Variants in AGPAT3 observed in about 807,000 individuals in gnomAD.
The protein encoded by AGPAT3 is 1-acyl-sn-glycerol-3-phosphate acyltransferase gamma.
A neutral mutation model predicts 47.3 loss-of-function variants in AGPAT3; 5 were observed. The ratio of observed to expected loss-of-function variants is 0.11; its 90% CI spans 0.06 to 0.22. The LOEUF (loss-of-function observed/expected upper bound fraction) is 0.22. Ranked by LOEUF, AGPAT3 falls within the 10% of genes least tolerant of loss-of-function variation. The pLI is 1.00. For synonymous variants in AGPAT3, 212 were observed against 208.3 expected (o/e 1.02, Z -0.15); for missense variants, 315 against 493.0 (o/e 0.64, Z 3.42).
chr21:43,984,221 C>A lies in AGPAT3; in HGVS notation c.*1829C>A, dbSNP rs2030017707. 1 of 152,302 alleles carries A rather than the reference C, an allele frequency of 6.6e-6. No individual in the cohort carries two copies. The highest frequency in any genetic ancestry group is 2.4e-5 in the African/African-American group (1 of 41,448). 9.4% of individuals were successfully genotyped at this position (152,302 alleles called of 1,614,324 possible). ...TCTGAAATCTCATCCCTCCACCCGC[C>A]CACTCGGGCAGCTGTGCCGTGGGCA... On this transcript the variant is annotated 3_prime_UTR_variant, in exon 10 of 10. Transcript: ENST00000291572.
intron 3 of AGPAT3, chr21:43,965,585 AT>A (rs949504292): frequency 1.3e-5 from 2 of 151,626 alleles, no homozygotes; most frequent in Non-Finnish European, 2.9e-5. Flanking sequence ...AATTGTTACT[AT>A]TATTGGGTGA....
chr21:43,873,281 C>T (rs1280058109), intron 1 of AGPAT3, among the ~76,000 whole-genome samples: 1 of 152,202 alleles, frequency 6.6e-6, no homozygotes, highest in African/African-American at 2.4e-5. Context: ...AAGGAAGGAG[C>T]TCCTCCAGGC....
chr21:43,866,985 G>C (rs1400780022), intron 1 of AGPAT3, among the ~76,000 whole-genome samples: 3 of 152,274 alleles, frequency 2.0e-5, no homozygotes, highest in African/African-American at 7.2e-5. Flanking sequence ...CCAGGCTGGG[G>C]CCCCAGTGCA....
At chr21:43,921,109 C>T (rs2086882624) in intron 2 of AGPAT3, among the ~76,000 whole-genome samples, 1 of 152,032 alleles carries the variant, frequency 6.6e-6, no homozygotes, top group South Asian at 2.1e-4. Context: ...CAAGACTCTG[C>T]CTCAAAAAAA....
At chr21:43,977,397 A>AC (rs1395208074) in intron 7 of AGPAT3, among the ~76,000 whole-genome samples, 2 of 152,212 alleles carry the variant, frequency 1.3e-5, no homozygotes, top group Non-Finnish European at 2.9e-5. Context: ...CGCACACATG[A>AC]CCACCCTTCT....
At chr21:43,881,012 G>T (rs1164047787) in intron 1 of AGPAT3, among the ~76,000 whole-genome samples, 1 of 152,062 alleles carries the variant, frequency 6.6e-6, no homozygotes, top group Non-Finnish European at 1.5e-5. Flanking sequence ...ACAAATGTAA[G>T]AACTTTTTTT....
rs886479382 is a variant in AGPAT3 at position 43,955,077 on chromosome 21, T to C, written c.-48-4557T>C. ...TGGCCCCCAAAGGCTGGGTGCCAGC[T>C]GCCTGTCGGCAGGGAGCGTATCACC... On this transcript the variant is annotated intron_variant, in intron 2 of 9. Transcript: ENST00000291572. This position sits in a 1 kb window ranked among gnomAD's most constrained non-coding sequence, Gnocchi z 4.1. 4 of 1,246,158 alleles carry C rather than the reference T, an allele frequency of 3.2e-6. No individual in the cohort carries two copies. The highest frequency in any genetic ancestry group is 3.1e-6 in the Non-Finnish European group (3 of 961,058). 77.2% of individuals were successfully genotyped at this position (1,246,158 alleles called of 1,614,324 possible).
chr21:43,867,820 A>G (rs773953561), intron 1 of AGPAT3: 22 of 152,186 alleles, frequency 1.4e-4, no homozygotes, highest in Non-Finnish European at 2.5e-4. Context: ...GTAAAGTTGG[A>G]CTGAGTTTTC....
At chr21:43,945,848 C>T (rs928430992) in intron 2 of AGPAT3, among the ~76,000 whole-genome samples, 2 of 152,232 alleles carry the variant, frequency 1.3e-5, no homozygotes, top group Admixed American at 1.3e-4. Flanking sequence ...GGAATGCCTA[C>T]ATCATCTCAT....
chr21:43,867,275 C>T (rs966062584), intron 1 of AGPAT3: 6 of 152,252 alleles, frequency 3.9e-5, no homozygotes, highest in African/African-American at 1.4e-4. Context: ...GCTTACATCC[C>T]TGGAACTCCC....
At chr21:43,894,184 C>T (rs577321792) in intron 1 of AGPAT3, among the ~76,000 whole-genome samples, 12 of 150,790 alleles carry the variant, frequency 8.0e-5, no homozygotes, top group African/African-American at 2.9e-4. Context: ...TCAAAATGCA[C>T]TGGGCAGGGG....
rs370497262 is a variant in AGPAT3, at chr21:43,968,017, C to T, written c.250C>T (p.Arg84Cys). 2.2e-5 allele frequency: 35 copies of T among 1,613,762 alleles called. 1 individual carries two copies. The highest frequency in any genetic ancestry group is 9.9e-5 in the South Asian group (9 of 91,040). Residue 84 changes from arginine to cysteine, a missense_variant, in exon 4 of 10, where the codon CGC becomes TGC. Coordinates refer to ENST00000291572, the MANE Select transcript of AGPAT3 (RefSeq NM_020132.5). ...TLFTDQATVE[R>C]FGKEHAVIIL... Reference sequence around the variant, plus strand: ...GTTCACGGACCAGGCCACGGTAGAGCGCTTTGGGAAGGAGCACGCAGTCAT... The same window carrying T: ...GTTCACGGACCAGGCCACGGTAGAGTGCTTTGGGAAGGAGCACGCAGTCAT...
intron 1 of AGPAT3, among the ~76,000 whole-genome samples, chr21:43,901,505 G>A (rs1267956501): frequency 5.9e-5 from 9 of 152,082 alleles, no homozygotes; most frequent in Admixed American, 2.6e-4. Context: ...ACCTAGGGCC[G>A]GGCGTCATGG....
intron 1 of AGPAT3, among the ~76,000 whole-genome samples, chr21:43,899,073 G>T (rs941070778): frequency 6.6e-6 from 1 of 152,172 alleles, no homozygotes; most frequent in Non-Finnish European, 1.5e-5. Context: ...TTTACGTTTT[G>T]CATCTCAGAC....
intron 7 of AGPAT3, 89 bp from the exon 8 acceptor site, chr21:43,977,957 C>G: frequency 9.5e-7 from 1 of 1,052,500 alleles, no homozygotes; most frequent in East Asian, 2.6e-5. Context: ...CATAGGCCAC[C>G]CTGGCACACG....
intron 3 of AGPAT3, 41 bp from the exon 4 acceptor site, chr21:43,967,905 G>A (rs1022557866): frequency 1.5e-5 from 24 of 1,595,790 alleles, no homozygotes; most frequent in Non-Finnish European, 2.1e-5. Flanking sequence ...ATCCCAGGAG[G>A]AGGGGTCCTA....
At chr21:43,959,144 GTA>G (rs1234111666) in intron 2 of AGPAT3, among the ~76,000 whole-genome samples, 7 of 141,160 alleles carry the variant, frequency 5.0e-5, no homozygotes, top group African/African-American at 1.8e-4. Flanking sequence ...TTGGTTTGCG[GTA>G]TGTGTGTGGC....
At chr21:43,903,584 C>T (rs190822891) in intron 1 of AGPAT3, among the ~76,000 whole-genome samples, 56 of 152,308 alleles carry the variant, frequency 3.7e-4, no homozygotes, top group African/African-American at 1.2e-3. Context: ...GTGTAGCTGT[C>T]GCAGGAGCTG....
intron 1 of AGPAT3, among the ~76,000 whole-genome samples, chr21:43,903,696 C>T (rs372177154): frequency 9.2e-5 from 14 of 152,272 alleles, no homozygotes; most frequent in African/African-American, 2.6e-4. Context: ...CTGGCGGCTC[C>T]GGGACTGTTC....
Sources: allele counts gnomAD v4.1 joint callset (sites outside exome capture counted in the v4.1 genomes callset), GRCh38; gene constraint gnomAD v4.1.1; non-coding constraint Gnocchi (gnomAD v3.1); transcripts MANE v1.5; gene names NCBI Gene and HGNC (gene_info 2026-07-23, HGNC 2026-07-21).